Variants in CACNA1C observed in about 807,000 individuals in gnomAD.
The protein encoded by CACNA1C is calcium voltage-gated channel subunit alpha1 C, also known as voltage-dependent L-type calcium channel subunit alpha-1C.
In CACNA1C, 30 loss-of-function variants were observed where a neutral mutation model predicts 229.0. The observed-to-expected ratio is 0.13, with a 90% CI of 0.10 to 0.18. The LOEUF is 0.18. Among genes scored for constraint, CACNA1C ranks in the 10% least tolerant of loss-of-function variants. CACNA1C has a pLI of 1.00. For synonymous variants in CACNA1C, 1,114 were observed against 1,132.5 expected (o/e 0.98, Z 0.33); for missense variants, 1,658 against 2,845.0 (o/e 0.58, Z 9.49).
intron 3 of CACNA1C, among the ~76,000 whole-genome samples, chr12:2,248,043 A>T (rs892566514): frequency 6.6e-6 from 1 of 152,314 alleles, no homozygotes; most frequent in Non-Finnish European, 1.5e-5. Context: ...ACTTTTTTTA[A>T]CTTAAAATTA....
At chr12:2,232,021 T>G (rs1383417230) in intron 3 of CACNA1C, among the ~76,000 whole-genome samples, 1 of 152,196 alleles carries the variant, frequency 6.6e-6, no homozygotes. Flanking sequence ...GTTAATATCT[T>G]GCATGACCAT....
At chr12:2,472,697 C>T (rs2099599809) in intron 5 of CACNA1C, among the ~76,000 whole-genome samples, 1 of 152,024 alleles carries the variant, frequency 6.6e-6, no homozygotes, top group Non-Finnish European at 1.5e-5. Context: ...TTTTTTGTTT[C>T]CTATTGACTG....
chr12:2,293,227 C>G (rs1433124960), intron 3 of CACNA1C, among the ~76,000 whole-genome samples: 1 of 152,190 alleles, frequency 6.6e-6, no homozygotes, highest in Admixed American at 6.5e-5. Context: ...AAGAAATGGG[C>G]TCAACCTGTA....
At chr12:2,583,488 C>G (rs1387321505) in intron 15 of CACNA1C, among the ~76,000 whole-genome samples, 1 of 152,234 alleles carries the variant, frequency 6.6e-6, no homozygotes, top group African/African-American at 2.4e-5. Context: ...TTCCAGGGCA[C>G]AAGCCACGGG....
intron 3 of CACNA1C, among the ~76,000 whole-genome samples, chr12:2,298,409 G>A (rs2094261998): frequency 6.6e-6 from 1 of 152,068 alleles, no homozygotes; most frequent in Admixed American, 6.5e-5. Context: ...AGCGATTCTT[G>A]TGCCTTAGCC....
At chr12:2,513,991 C>T (rs2099790742) in intron 9 of CACNA1C, among the ~76,000 whole-genome samples, 1 of 152,226 alleles carries the variant, frequency 6.6e-6, no homozygotes, top group Admixed American at 6.5e-5. Flanking sequence ...ATATCTTTCT[C>T]TTTCACTATA....
chr12:2,675,482 C>A (rs2096759829), intron 39 of CACNA1C, among the ~76,000 whole-genome samples: 1 of 152,186 alleles, frequency 6.6e-6, no homozygotes, highest in Admixed American at 6.5e-5. Flanking sequence ...AACACACACA[C>A]ATACTTACAC....
intron 43 of CACNA1C, among the ~76,000 whole-genome samples, chr12:2,684,654 G>T (rs1053264771): frequency 1.3e-5 from 2 of 152,072 alleles, no homozygotes; most frequent in African/African-American, 4.8e-5. Flanking sequence ...AACCCCCAGG[G>T]GTACAGGCGT....
intron 3 of CACNA1C, among the ~76,000 whole-genome samples, chr12:2,217,019 G>A (rs570400363): frequency 6.6e-6 from 1 of 152,262 alleles, no homozygotes; most frequent in African/African-American, 2.4e-5. Context: ...ATTCATTCGT[G>A]GATAAATGGA....
chr12:2,320,584 C>T (rs868730073), intron 3 of CACNA1C, among the ~76,000 whole-genome samples: 9 of 152,202 alleles, frequency 5.9e-5, no homozygotes, highest in African/African-American at 1.9e-4. Flanking sequence ...TGGGAGCCAG[C>T]TTGTGGTATA....
chr12:2,052,908 GGCGGC>G, upstream of CACNA1C: 1 of 877,772 alleles, frequency 1.1e-6, no homozygotes, highest in Non-Finnish European at 1.4e-6. Context: ...CGGGCGGGCG[GGCGGC>G]GCGGGCAGGG....
At chr12:2,234,464 T>G (rs546033897) in intron 3 of CACNA1C, among the ~76,000 whole-genome samples, 18 of 152,164 alleles carry the variant, frequency 1.2e-4, no homozygotes, top group Non-Finnish European at 2.2e-4. Flanking sequence ...TAATGTAGGG[T>G]CTAGGCACCT....
chr12:2,596,137 A>G (rs546283854), intron 20 of CACNA1C, 134 bp downstream of exon 20: 1 of 879,006 alleles, frequency 1.1e-6, no homozygotes, highest in East Asian at 2.7e-5. Context: ...CTAACATTTC[A>G]TTAAGAGAGT....
At chr12:2,004,615 G>A (rs755109052) in intron 1 of CACNA1C, 2 of 811,404 alleles carry the variant, frequency 2.5e-6, no homozygotes, top group East Asian at 5.6e-5. Context: ...ATCGATGGCC[G>A]CGCCCCGCCC....
intron 3 of CACNA1C, among the ~76,000 whole-genome samples, chr12:2,343,767 G>A (rs1428504056): frequency 2.0e-5 from 3 of 152,114 alleles, no homozygotes; most frequent in African/African-American, 7.2e-5. Flanking sequence ...TTATTTACAG[G>A]GCAGTAGGGA....
At chr12:2,457,077 G>C (rs2099431979) in intron 4 of CACNA1C, among the ~76,000 whole-genome samples, 1 of 152,168 alleles carries the variant, frequency 6.6e-6, no homozygotes, top group South Asian at 2.1e-4. Flanking sequence ...CGCACCTCCT[G>C]AGCAGCCACC....
chr12:2,033,806 T>A (rs999830323), intron 1 of CACNA1C, among the ~76,000 whole-genome samples: 50 of 152,174 alleles, frequency 3.3e-4, no homozygotes, highest in African/African-American at 1.2e-3. Context: ...TTAAAGTAAA[T>A]GTAGGCACCG....
intron 3 of CACNA1C, among the ~76,000 whole-genome samples, chr12:2,447,559 C>T (rs534254924): frequency 7.0e-5 from 10 of 142,352 alleles, no homozygotes; most frequent in African/African-American, 2.5e-4. Context: ...TTTAATTTTG[C>T]ATCCTCAAAC....
intron 3 of CACNA1C, among the ~76,000 whole-genome samples, chr12:2,440,261 C>T (rs906468505): frequency 6.6e-6 from 1 of 152,206 alleles, no homozygotes; most frequent in African/African-American, 2.4e-5. Flanking sequence ...AACTCTGTAC[C>T]TGTTAAGCAG....
Sources: gnomAD v4.1 joint callset for allele counts (sites outside exome capture counted in the v4.1 genomes callset) on GRCh38, gnomAD v4.1.1 for gene constraint, MANE v1.5 for transcripts, NCBI Gene and HGNC (gene_info 2026-07-23, HGNC 2026-07-21) for gene names.